PTPRT: variants seen among roughly 807,000 people sequenced by gnomAD.
PTPRT encodes the protein protein tyrosine phosphatase receptor type T, also known as receptor-type tyrosine-protein phosphatase T.
A neutral mutation model predicts 176.8 loss-of-function variants in PTPRT; 56 were observed. The observed-to-expected ratio is 0.32, with a 90% CI of 0.26 to 0.40. The LOEUF (loss-of-function observed/expected upper bound fraction) is 0.40, where lower values mean the gene tolerates loss of function less well. Ranked by LOEUF, PTPRT falls within the 10% of genes least tolerant of loss-of-function variation. The pLI is 1.00. For missense variants in PTPRT, 1,540 were observed against 1,908.2 expected (o/e 0.81, Z 3.60); for synonymous variants, 783 against 739.0 (o/e 1.06, Z -0.96).
intron 1 of PTPRT, among the ~76,000 whole-genome samples, chr20:43,163,493 C>A (rs1453806164): frequency 6.6e-6 from 1 of 152,090 alleles, no homozygotes; most frequent in Non-Finnish European, 1.5e-5. Context: ...AAAAAATTAG[C>A]CAGGCGTGGT....
At chr20:43,176,447 A>G (rs138319051) in intron 1 of PTPRT, among the ~76,000 whole-genome samples, 23 of 152,384 alleles carry the variant, frequency 1.5e-4, no homozygotes, top group African/African-American at 4.8e-4. Flanking sequence ...AGAGAAGTGC[A>G]ATTAACACCT....
At chr20:42,408,480 T>G (rs1430512370) in intron 9 of PTPRT, among the ~76,000 whole-genome samples, 2 of 152,120 alleles carry the variant, frequency 1.3e-5, no homozygotes, top group African/African-American at 2.4e-5. Flanking sequence ...AAAAAGTAAG[T>G]ATTCTGCTGG....
the PTPRT span, among the ~76,000 whole-genome samples, chr20:42,036,294 C>T: frequency 6.6e-6 from 1 of 152,182 alleles, no homozygotes; most frequent in Non-Finnish European, 1.5e-5. Context: ...CACATCTGCT[C>T]ATTTCATTTA....
intron 2 of PTPRT, among the ~76,000 whole-genome samples, chr20:42,801,671 C>T (rs1326024387): frequency 4.6e-5 from 7 of 152,112 alleles, no homozygotes; most frequent in African/African-American, 7.2e-5. Flanking sequence ...AGAACCCAGA[C>T]TTGATTTGGG....
intron 9 of PTPRT, among the ~76,000 whole-genome samples, chr20:42,400,829 T>C (rs2058899199): frequency 6.6e-6 from 1 of 152,068 alleles, no homozygotes; most frequent in South Asian, 2.1e-4. Context: ...GGAAAGTTGG[T>C]AGCAACCTTG....
intron 9 of PTPRT, among the ~76,000 whole-genome samples, chr20:42,411,478 T>C (rs1413938298): frequency 7.3e-5 from 10 of 136,398 alleles, no homozygotes; most frequent in Non-Finnish European, 1.2e-4. Context: ...GATCGCACCA[T>C]TGCACTACAG....
intron 16 of PTPRT, among the ~76,000 whole-genome samples, chr20:42,167,767 T>C (rs1269216589): frequency 6.6e-6 from 1 of 152,206 alleles, no homozygotes; most frequent in African/African-American, 2.4e-5. Flanking sequence ...ACAGACTCAC[T>C]CTGAAGATAA....
intron 1 of PTPRT, among the ~76,000 whole-genome samples, chr20:42,935,305 A>C: frequency 6.6e-6 from 1 of 151,720 alleles, no homozygotes; most frequent in Admixed American, 6.6e-5. Flanking sequence ...ACACCCGGCT[A>C]ATTTCTAAAT....
At chr20:42,372,650 A>T (rs6030177) in intron 9 of PTPRT, among the ~76,000 whole-genome samples, 111,019 of 151,970 alleles carry the variant, frequency 0.73, 40,705 homozygotes, top group East Asian at 0.9. Context: ...AAAGTTTGAA[A>T]GTCCCCCCAA....
chr20:42,148,701 A>G (rs571922200), intron 17 of PTPRT, among the ~76,000 whole-genome samples: 72 of 152,332 alleles, frequency 4.7e-4, no homozygotes, highest in Non-Finnish European at 8.1e-4. Flanking sequence ...AAGACCAACC[A>G]CAGGCAAGGC....
At chr20:42,626,939 C>T (rs2074300360) in intron 7 of PTPRT, among the ~76,000 whole-genome samples, 1 of 152,218 alleles carries the variant, frequency 6.6e-6, no homozygotes, top group Non-Finnish European at 1.5e-5. Context: ...ATGAGAACCA[C>T]TGTCATTCAT....
intron 8 of PTPRT, among the ~76,000 whole-genome samples, chr20:42,458,991 A>G (rs2145883817): frequency 6.6e-6 from 1 of 152,338 alleles, no homozygotes; most frequent in Admixed American, 6.5e-5. Flanking sequence ...ATGTCAGATG[A>G]TAATTGCTAA....
intron 2 of PTPRT, among the ~76,000 whole-genome samples, chr20:42,804,821 C>T (rs928909760): frequency 4.6e-5 from 7 of 152,192 alleles, no homozygotes; most frequent in African/African-American, 1.7e-4. Flanking sequence ...ATGGTTTATC[C>T]CTGTGTGCAT....
chr20:42,959,427 T>C (rs1054424297), intron 1 of PTPRT, among the ~76,000 whole-genome samples: 2 of 152,212 alleles, frequency 1.3e-5, no homozygotes, highest in African/African-American at 4.8e-5. Context: ...TGACTGAACA[T>C]AGCTTCCTGT....
At chr20:42,542,397 GAA>G (rs74686571) in intron 7 of PTPRT, among the ~76,000 whole-genome samples, 2 of 151,540 alleles carry the variant, frequency 1.3e-5, no homozygotes, top group African/African-American at 2.4e-5. Context: ...TTTCCAGGGG[GAA>G]AAAAAATACA....
chr20:42,180,385 T>C (rs1293879750), intron 16 of PTPRT, among the ~76,000 whole-genome samples: 2 of 152,176 alleles, frequency 1.3e-5, no homozygotes, highest in African/African-American at 4.8e-5. Context: ...AGATGTCATC[T>C]TCTATAAAAC....
chr20:43,146,480 T>G (rs1008665262), intron 1 of PTPRT, among the ~76,000 whole-genome samples: 11 of 151,994 alleles, frequency 7.2e-5, no homozygotes, highest in Non-Finnish European at 1.6e-4. Flanking sequence ...GGAGATATCT[T>G]GGGATGAGAT....
chr20:42,177,690 T>C (rs1990347955), intron 16 of PTPRT, among the ~76,000 whole-genome samples: 1 of 152,188 alleles, frequency 6.6e-6, no homozygotes, highest in Admixed American at 6.5e-5. Flanking sequence ...TTTAGTGGCT[T>C]TAGTTTGGGG....
At chr20:42,229,135 G>A (rs374540698) in intron 15 of PTPRT, among the ~76,000 whole-genome samples, 2 of 152,192 alleles carry the variant, frequency 1.3e-5, no homozygotes, top group South Asian at 4.1e-4. Context: ...AGAGTGATGT[G>A]AGGATGCCAT....
Sources: allele counts gnomAD v4.1 joint callset (sites outside exome capture counted in the v4.1 genomes callset), GRCh38; gene constraint gnomAD v4.1.1; transcripts MANE v1.5; gene names NCBI Gene and HGNC (gene_info 2026-07-23, HGNC 2026-07-21).